The following HHIPL1 variants were observed in gnomAD, a reference collection of about 807,000 sequenced individuals.
HHIPL1 encodes the protein HHIP like 1.
HHIPL1 carries 43 observed loss-of-function variants against 61.8 expected under a neutral mutation model. The observed-to-expected ratio is 0.70, with a 90% confidence interval of 0.55 to 0.90. The LOEUF is 0.90. HHIPL1 is among the 40% of genes least tolerant of loss of function. The pLI is 0.00. For synonymous variants in HHIPL1, 482 were observed against 515.8 expected, an observed-to-expected ratio of 0.93 and a Z score of 0.89; for missense variants, 1,056 against 1,157.7, an observed-to-expected ratio of 0.91 and a Z score of 1.28.
chr14:99,607,133 A>G, the HHIPL1 span, among the ~76,000 whole-genome samples: 1 of 148,172 alleles, frequency 6.7e-6, no homozygotes, highest in Non-Finnish European at 1.5e-5. Context: ...TCCGGGCTCA[A>G]GAGATCCTCC....
At position 99,675,135 on chromosome 14, in the gene HHIPL1, G is replaced by A; in HGVS notation, c.1858G>A (p.Ala620Thr). The A allele has an allele frequency of 8.9e-7, 1 of 1,123,694 alleles. No individual in the cohort carries two copies. The highest frequency in any genetic ancestry group is 1.1e-6 in the Non-Finnish European group (1 of 910,202). The allele number at this position is 1,123,694 out of a possible 1,614,324, so 69.6% of individuals were successfully genotyped here. Residue 620 changes from alanine (A) to threonine (T), a missense_variant, in exon 9 of 9, where the codon GCG (alanine) becomes ACG (threonine). Coordinates refer to ENST00000330710, the MANE Select transcript of HHIPL1 (RefSeq NM_001127258.3). This position sits in a 1 kb window ranked among gnomAD's most constrained non-coding sequence, Gnocchi z 5.4. Reference sequence around the variant, plus strand: ...GAGCACCCCGCGGCCTACAGCGCGGGCGCCCACGCGGGCGCCCCGCCGAGG... The same window carrying A: ...GAGCACCCCGCGGCCTACAGCGCGGACGCCCACGCGGGCGCCCCGCCGAGG... Reference protein sequence around the residue: ...TRSTPRPTARAPTRAPRRGRP... With the variant: ...TRSTPRPTARTPTRAPRRGRP...
chr14:99,668,159 G>A lies in HHIPL1; in HGVS notation c.1649-63G>A. 1 of 1,002,028 alleles carries A rather than the reference G, an allele frequency of 1.0e-6. No homozygotes were observed. The highest frequency in any genetic ancestry group is 1.6e-6 in the Non-Finnish European group (1 of 622,822). 62.1% of individuals were successfully genotyped at this position (1,002,028 alleles called of 1,614,324 possible). A position where few individuals can be genotyped will look rare whatever the true frequency, so the allele number is the denominator to read the frequency against. On this transcript the variant is annotated intron_variant, in intron 6 of 8. Coordinates refer to ENST00000330710, the MANE Select transcript of HHIPL1 (RefSeq NM_001127258.3). This position sits in a 1 kb window ranked among gnomAD's most constrained non-coding sequence, Gnocchi z 4.7. ...AGCCTGCAGGGAGCCGGGTGGTGAG[G>A]CGGGGCTGGCTGGGACGGTATTCCA...
rs1427471612 is a variant in HHIPL1, at chr14:99,675,012, G to T, written c.1814-79G>T. 1.3e-6 allele frequency: 1 copy of T among 768,070 alleles called. No homozygotes were observed. Among genetic ancestry groups the T allele is most frequent in the Non-Finnish European group, 1.6e-6 (1 of 608,032 alleles). 47.6% of individuals were successfully genotyped at this position (768,070 alleles called of 1,614,324 possible). ...CGAGTCTGCGCTCTCCGCACAGGTTGCAGGGCAGCACAGGGTGGGCAGCAG... is the reference window on the plus strand; with the variant it reads ...CGAGTCTGCGCTCTCCGCACAGGTTTCAGGGCAGCACAGGGTGGGCAGCAG... On this transcript the variant is annotated intron_variant, in intron 8 of 8. Coordinates refer to ENST00000330710, the MANE Select transcript of HHIPL1 (RefSeq NM_001127258.3). The surrounding 1 kb of genome is among the most constrained non-coding windows in gnomAD (Gnocchi z 5.4).
At position 99,652,428 on chromosome 14, in the gene HHIPL1, A is replaced by G. The variant is rs1011342293; in HGVS notation, c.460A>G (p.Thr154Ala). 10 of 1,614,082 alleles carry G rather than the reference A, an allele frequency of 6.2e-6. No individual in the cohort carries two copies. Among genetic ancestry groups the G allele is most frequent in the African/African-American group, 1.3e-5 (1 of 74,946 alleles). ...CTGCCGCTACCTGTCCCTGGATGACACGGACTACTGCTTCCCTTACCTGCT... is the reference window on the plus strand; with the variant it reads ...CTGCCGCTACCTGTCCCTGGATGACGCGGACTACTGCTTCCCTTACCTGCT... ...RFCRYLSLDD[T>A]DYCFPYLLVN... The change falls in exon 2 of 9, where the codon ACG (threonine) becomes GCG (alanine). Residue 154 changes from threonine (T) to alanine (A), a missense_variant. Transcript: ENST00000330710.
the HHIPL1 span, among the ~76,000 whole-genome samples, chr14:99,606,936 G>A: frequency 3.5e-3 from 531 of 151,454 alleles, 7 homozygotes; most frequent in Middle Eastern, 0.017. Flanking sequence ...GGCCCATATC[G>A]CAGGGTCCAG....
chr14:99,612,467 C>G, the HHIPL1 span, among the ~76,000 whole-genome samples: 2 of 152,182 alleles, frequency 1.3e-5, no homozygotes, highest in Non-Finnish European at 2.9e-5. Flanking sequence ...CAGGTTTACT[C>G]ACTTGGGATT....
chr14:99,643,182 G>A (rs10137296), upstream of HHIPL1, among the ~76,000 whole-genome samples: 7,254 of 152,182 alleles, frequency 0.048, 426 homozygotes, highest in African/African-American at 0.13. Context: ...TGGGATTATA[G>A]GCGCGTGCCA....
chr14:99,668,834 G>A lies in HHIPL1; in HGVS notation c.1730+531G>A, dbSNP rs755617156. 3 of 1,613,644 alleles carry A rather than the reference G, an allele frequency of 1.9e-6. No homozygotes were observed. Among genetic ancestry groups the A allele is most frequent in the East Asian group, 2.2e-5 (1 of 44,864 alleles). ...CATCTCCCCGGCTTCCCTTCTAGCTGTAAGGCCAGAAGCGCCATGCCCGGC... is the reference window on the plus strand; with the variant it reads ...CATCTCCCCGGCTTCCCTTCTAGCTATAAGGCCAGAAGCGCCATGCCCGGC... On this transcript the variant is annotated intron_variant, in intron 7 of 8. Transcript: ENST00000330710. This position sits in a 1 kb window ranked among gnomAD's most constrained non-coding sequence, Gnocchi z 4.7.
chr14:99,657,782 A>G (rs2056074322), intron 3 of HHIPL1, among the ~76,000 whole-genome samples: 1 of 151,896 alleles, frequency 6.6e-6, no homozygotes, highest in Non-Finnish European at 1.5e-5. Context: ...TGCTACATAT[A>G]CACAGCACAC....
At chr14:99,667,343 G>T (rs918708814) in intron 6 of HHIPL1, among the ~76,000 whole-genome samples, 2 of 151,248 alleles carry the variant, frequency 1.3e-5, no homozygotes, top group Non-Finnish European at 3.0e-5. Flanking sequence ...TCTCAGCTGT[G>T]AGGTAGGAAT....
In HHIPL1 at chr14:99,675,377, C is replaced by G. The variant is rs1191849287; in HGVS notation, c.2100C>G (p.Cys700Trp). ...VFVGGRWGTV[C>W]DDSWNISGAA... is the part of the protein sequence containing the mutation. Reference sequence around the variant, plus strand: ...TGGGCGGACGCTGGGGCACCGTGTGCGACGACTCCTGGAACATCAGCGGCG... The same window carrying G: ...TGGGCGGACGCTGGGGCACCGTGTGGGACGACTCCTGGAACATCAGCGGCG... The change falls in exon 9 of 9, where the codon TGC (cysteine) becomes TGG (tryptophan). Residue 700 changes from cysteine to tryptophan, a missense_variant. Cys to Trp is a radical substitution (Grantham distance 215, BLOSUM62 -2). Transcript: ENST00000330710. The surrounding 1 kb of genome is among the most constrained non-coding windows in gnomAD (Gnocchi z 5.4). 2.6e-6 allele frequency: 4 copies of G among 1,514,096 alleles called. No individual in the cohort carries two copies. In the South Asian group the frequency reaches 3.7e-5, roughly 14 times the overall value. The allele number at this position is 1,514,096 out of a possible 1,614,324, so 93.8% of individuals were successfully genotyped here. A position where few individuals can be genotyped will look rare whatever the true frequency, so the allele number is the denominator to read the frequency against.
chr14:99,674,726 G>C (rs2056366019), intron 8 of HHIPL1, among the ~76,000 whole-genome samples: 1 of 152,146 alleles, frequency 6.6e-6, no homozygotes, highest in Admixed American at 6.5e-5. Flanking sequence ...TTGCCTTCCA[G>C]AGTTATGAAG....
the HHIPL1 span, among the ~76,000 whole-genome samples, chr14:99,633,892 C>G: frequency 2.0e-5 from 3 of 152,252 alleles, no homozygotes; most frequent in Non-Finnish European, 4.4e-5. Context: ...CTCTCTCCCC[C>G]GTGTCCGGGA....
chr14:99,660,401 G>A lies in HHIPL1; in HGVS notation c.1497G>A (p.Met499Ile). Residue 499 changes from methionine (M) to isoleucine (I), a missense_variant, in exon 5 of 9, where the codon ATG becomes ATA. By Grantham distance (10) the Met-to-Ile change is conservative. Transcript: ENST00000330710. The surrounding 1 kb of genome is among the most constrained non-coding windows in gnomAD (Gnocchi z 4.9). ...LNGLYIFGDF[M>I]SGRLMSLQEN... is the part of the protein sequence containing the mutation. ...GCCTCTACATTTTTGGGGATTTCAT[G>A]AGCGGGTAAGTGACCTAGTGCCCTC... 6.2e-7 allele frequency: 1 copy of A among 1,613,086 alleles called. No homozygotes were observed. Among genetic ancestry groups the A allele is most frequent in the Non-Finnish European group, 8.5e-7 (1 of 1,179,298 alleles).
Position 99,668,849 on chromosome 14 carries a change from C to A in HHIPL1, c.1730+546C>A. On this transcript the variant is annotated intron_variant, in intron 7 of 8. Transcript: ENST00000330710. The surrounding 1 kb of genome is among the most constrained non-coding windows in gnomAD (Gnocchi z 4.7). The stretch of plus-strand genomic sequence containing the variant: ...CCTTCTAGCTGTAAGGCCAGAAGCG[C>A]CATGCCCGGCTATGTCCCAGCTCCT... 1 of 1,613,990 alleles carries A rather than the reference C, an allele frequency of 6.2e-7. No individual in the cohort carries two copies. Among genetic ancestry groups the A allele is most frequent in the Non-Finnish European group, 8.5e-7 (1 of 1,180,016 alleles).
At chr14:99,673,803 G>C (rs1362228119) in intron 8 of HHIPL1, among the ~76,000 whole-genome samples, 1 of 78,268 alleles carries the variant, frequency 1.3e-5, no homozygotes, top group African/African-American at 5.1e-5. Flanking sequence ...TGGCATGGAG[G>C]GGGGGTGCAC....
At chr14:99,608,824 C>T in the HHIPL1 span, among the ~76,000 whole-genome samples, 1 of 152,192 alleles carries the variant, frequency 6.6e-6, no homozygotes, top group East Asian at 1.9e-4. Flanking sequence ...AACTGAGGCT[C>T]ACACAGGTTA....
chr14:99,639,380 C>T, the HHIPL1 span, among the ~76,000 whole-genome samples: 3 of 152,216 alleles, frequency 2.0e-5, no homozygotes, highest in Non-Finnish European at 4.4e-5. Context: ...GACAGGGTCT[C>T]GCACTGTCAC....
rs2056382780 is a variant in HHIPL1 at position 99,675,618 on chromosome 14, G to A, written c.2341G>A (p.Asp781Asn). The change falls in exon 9 of 9, where the codon GAC (aspartate) becomes AAC (asparagine). Residue 781 changes from aspartate (D) to asparagine (N), a missense_variant. Transcript: ENST00000330710. The surrounding 1 kb of genome is among the most constrained non-coding windows in gnomAD (Gnocchi z 5.4). ...CGTCGTGTGCAGCCACCAGAACCCC[G>A]ACCTGTAGGCAACACGCCGCTGCCC... ...AGVVCSHQNP[D>N]L The A allele has an allele frequency of 4.0e-6, 6 of 1,518,546 alleles. No homozygotes were observed. Among genetic ancestry groups the A allele is most frequent in the Middle Eastern group, 1.7e-4 (1 of 5,900 alleles). The allele number at this position is 1,518,546 out of a possible 1,614,324, so 94.1% of individuals were successfully genotyped here. A position where few individuals can be genotyped will look rare whatever the true frequency, so the allele number is the denominator to read the frequency against.
Sources: gnomAD v4.1 joint callset for allele counts (sites outside exome capture counted in the v4.1 genomes callset) on GRCh38, gnomAD v4.1.1 for gene constraint, Gnocchi (gnomAD v3.1) non-coding constraint, MANE v1.5 for transcripts, NCBI Gene and HGNC (gene_info 2026-07-23, HGNC 2026-07-21) for gene names.